The following AKAP6 variants were observed in gnomAD, a reference collection of about 807,000 sequenced individuals.
The protein encoded by AKAP6 is A-kinase anchoring protein 6, also known as A-kinase anchor protein 6.
In AKAP6, 58 loss-of-function variants were observed where a neutral mutation model predicts 188.5. That is an observed-to-expected ratio of 0.31 (90% confidence interval 0.25 to 0.38). The LOEUF (loss-of-function observed/expected upper bound fraction) is 0.38, where lower values mean the gene tolerates loss of function less well. Ranked by LOEUF, AKAP6 falls within the 10% of genes least tolerant of loss-of-function variation. The probability of loss-of-function intolerance (pLI) is 1.00; values close to 1 mark genes in which losing one functional copy is unlikely to be tolerated. For synonymous variants in AKAP6, 989 were observed against 998.6 expected, an observed-to-expected ratio of 0.99 and a Z score of 0.18; for missense variants, 2,710 against 2,740.0, an observed-to-expected ratio of 0.99 and a Z score of 0.24.
intron 13 of AKAP6, among the ~76,000 whole-genome samples, chr14:32,828,668 C>T (rs74472717): frequency 6.6e-6 from 1 of 152,164 alleles, no homozygotes; most frequent in East Asian, 1.9e-4. Flanking sequence ...ATTTAAATGC[C>T]AGCATTTAGT....
chr14:32,372,702 A>G (rs1888045987), intron 1 of AKAP6, among the ~76,000 whole-genome samples: 2 of 152,116 alleles, frequency 1.3e-5, no homozygotes, highest in South Asian at 4.2e-4. Context: ...GAACCCCACA[A>G]GCAAAATAAC....
At chr14:32,379,944 C>G (rs1165976495) in intron 1 of AKAP6, among the ~76,000 whole-genome samples, 4 of 152,208 alleles carry the variant, frequency 2.6e-5, no homozygotes, top group Non-Finnish European at 5.9e-5. Context: ...CTGTCTCTGT[C>G]TCATCTAGTC....
At chr14:32,407,663 T>G (rs1391586948) in intron 1 of AKAP6, among the ~76,000 whole-genome samples, 1 of 152,210 alleles carries the variant, frequency 6.6e-6, no homozygotes, top group East Asian at 1.9e-4. Flanking sequence ...TCATTTCAGT[T>G]CCTAGTGTTT....
intron 12 of AKAP6, among the ~76,000 whole-genome samples, chr14:32,785,377 T>A (rs2033370054): frequency 6.6e-6 from 1 of 152,204 alleles, no homozygotes; most frequent in Non-Finnish European, 1.5e-5. Context: ...TGAGAAAGTT[T>A]GAATAATTAT....
intron 10 of AKAP6, chr14:32,734,068 A>G (rs960794621): frequency 2.0e-5 from 3 of 152,156 alleles, no homozygotes; most frequent in African/African-American, 7.2e-5. Context: ...TGAATCAGAG[A>G]CTTTAAAAAT....
intron 7 of AKAP6, among the ~76,000 whole-genome samples, chr14:32,655,863 T>C (rs1224338542): frequency 1.3e-5 from 2 of 152,148 alleles, no homozygotes; most frequent in Admixed American, 6.5e-5. Flanking sequence ...CTAGGTAGGT[T>C]GCATGGACCA....
intron 1 of AKAP6, among the ~76,000 whole-genome samples, chr14:32,430,500 C>T (rs1455316683): frequency 6.6e-6 from 1 of 152,148 alleles, no homozygotes; most frequent in Non-Finnish European, 1.5e-5. Flanking sequence ...AGAGAAAACA[C>T]GGTGACTAAG....
At chr14:32,826,731 C>G (rs1349485231) in intron 13 of AKAP6, among the ~76,000 whole-genome samples, 1 of 152,150 alleles carries the variant, frequency 6.6e-6, no homozygotes, top group Non-Finnish European at 1.5e-5. Flanking sequence ...ATGAGCAGCT[C>G]CATCTTTAGA....
intron 7 of AKAP6, among the ~76,000 whole-genome samples, chr14:32,638,022 C>T (rs1887585701): frequency 6.6e-6 from 1 of 151,962 alleles, no homozygotes. Context: ...GTATGAGTTT[C>T]AAAGGACATA....
At chr14:32,753,910 G>A (rs1439586597) in intron 11 of AKAP6, among the ~76,000 whole-genome samples, 1 of 152,026 alleles carries the variant, frequency 6.6e-6, no homozygotes, top group Non-Finnish European at 1.5e-5. Context: ...GTACCATGCT[G>A]TTTTGATTAC....
chr14:32,364,003 G>C (rs1887746102), intron 1 of AKAP6, among the ~76,000 whole-genome samples: 1 of 152,150 alleles, frequency 6.6e-6, no homozygotes. Context: ...GTTTCCCCCA[G>C]TAGACTGTAA....
intron 5 of AKAP6, among the ~76,000 whole-genome samples, chr14:32,584,642 C>T (rs1305897033): frequency 2.0e-5 from 3 of 152,164 alleles, no homozygotes; most frequent in African/African-American, 7.2e-5. Context: ...CCTACCCCTC[C>T]CTGGCCTCTA....
chr14:32,350,707 T>C (rs1039168048), intron 1 of AKAP6, among the ~76,000 whole-genome samples: 4 of 152,152 alleles, frequency 2.6e-5, no homozygotes, highest in African/African-American at 9.7e-5. Context: ...GTACTATCTT[T>C]GCAGCTTTTC....
chr14:32,778,326 T>C (rs1566704728), intron 12 of AKAP6, among the ~76,000 whole-genome samples: 1 of 152,194 alleles, frequency 6.6e-6, no homozygotes, highest in Non-Finnish European at 1.5e-5. Context: ...CTTTAAGTGG[T>C]AATAGACTGC....
intron 2 of AKAP6, among the ~76,000 whole-genome samples, chr14:32,460,758 G>A (rs1304464831): frequency 2.0e-5 from 3 of 152,234 alleles, no homozygotes; most frequent in African/African-American, 7.2e-5. Flanking sequence ...AAGCCAAGGA[G>A]CCAAGTGGTC....
intron 1 of AKAP6, among the ~76,000 whole-genome samples, chr14:32,419,393 T>G (rs1221701948): frequency 6.6e-6 from 1 of 152,182 alleles, no homozygotes; most frequent in Non-Finnish European, 1.5e-5. Context: ...AATCGTGCTC[T>G]TTATGAAAGT....
intron 9 of AKAP6, among the ~76,000 whole-genome samples, chr14:32,721,078 A>C (rs529595050): frequency 2.0e-5 from 3 of 152,170 alleles, no homozygotes; most frequent in East Asian, 3.8e-4. Flanking sequence ...ACATAATTGC[A>C]TAACTATTTT....
At chr14:32,444,332 T>C (rs1890688384) in intron 2 of AKAP6, among the ~76,000 whole-genome samples, 1 of 152,168 alleles carries the variant, frequency 6.6e-6, no homozygotes, top group Non-Finnish European at 1.5e-5. Flanking sequence ...CAATTGGTTT[T>C]CTTAGTTTAA....
chr14:32,828,518 C>CTG (rs2034734007), intron 13 of AKAP6, among the ~76,000 whole-genome samples: 2 of 31,318 alleles, frequency 6.4e-5, no homozygotes, highest in African/African-American at 1.4e-4. Flanking sequence ...CTCTCTCTCT[C>CTG]TCTCTCTCTC....
Sources: allele counts gnomAD v4.1 joint callset (sites outside exome capture counted in the v4.1 genomes callset), GRCh38; gene constraint gnomAD v4.1.1; transcripts MANE v1.5; gene names NCBI Gene and HGNC (gene_info 2026-07-23, HGNC 2026-07-21).